The following MGAT4A variants were observed in gnomAD, a reference collection of about 807,000 sequenced individuals.
MGAT4A encodes N-acetylglucosaminyltransferase IVa.
A neutral mutation model predicts 74.1 loss-of-function variants in MGAT4A; 33 were observed. That is an observed-to-expected ratio of 0.45 (90% CI 0.34 to 0.60). The LOEUF is 0.60. Among genes scored for constraint, MGAT4A ranks in the 20% least tolerant of loss-of-function variants. The pLI is 0.02. For missense variants in MGAT4A, 479 were observed against 628.3 expected (o/e 0.76, Z 2.54); for synonymous variants, 198 against 210.4 (o/e 0.94, Z 0.51).
intron 2 of MGAT4A, among the ~76,000 whole-genome samples, chr2:98,706,936 CTGGGCACGG>C (rs1559173838): frequency 6.6e-6 from 1 of 150,738 alleles, no homozygotes; most frequent in African/African-American, 2.4e-5. Context: ...AAAATCTGGG[CTGGGCACGG>C]TGGCTTATGC....
In MGAT4A at chr2:98,622,179, C is replaced by G; in HGVS notation, c.*3387G>C. 2.0e-6 allele frequency: 2 copies of G among 985,436 alleles called. No individual in the cohort carries two copies. The highest frequency in any genetic ancestry group is 2.4e-6 in the Non-Finnish European group (2 of 829,956). 61.0% of individuals were successfully genotyped at this position (985,436 alleles called of 1,614,324 possible). A position where few individuals can be genotyped will look rare whatever the true frequency, so the allele number is the denominator to read the frequency against. ...CATCATTTGCATTATGTTCTATTCC[C>G]ATGTCTGCTTTTAACCTCATGAGAA... is the stretch of plus-strand genomic sequence containing the variant. On this transcript the variant is annotated 3_prime_UTR_variant, in exon 16 of 16. Transcript: ENST00000393487.
rs59955000 is a variant in MGAT4A, at chr2:98,671,943, C to CAAAA, written c.403+3088_403+3091dup. ...AGGCCACAAAGTAATGTGGAAAAGG[C>CAAAA]AAAAAAAAAAAAAAAAAAAAAAAAA... On this transcript the variant is annotated intron_variant, in intron 4 of 15. Coordinates refer to ENST00000393487, the MANE Select transcript of MGAT4A (RefSeq NM_012214.3). Among the ~76,000 whole-genome samples, 20 of 28,638 alleles carry CAAAA rather than the reference C, an allele frequency of 7.0e-4. 2 individuals carry two copies. Among genetic ancestry groups the CAAAA allele is most frequent in the Non-Finnish European group, 9.0e-4 (14 of 15,530 alleles). The allele number at this position is 28,638 out of a possible 152,430, so 18.8% of individuals were successfully genotyped here.
At chr2:98,682,602 C>T (rs986955631) in intron 2 of MGAT4A, among the ~76,000 whole-genome samples, 5 of 152,022 alleles carry the variant, frequency 3.3e-5, no homozygotes, top group South Asian at 2.1e-4. Flanking sequence ...AAGAGGGAAA[C>T]GATAAAACCT....
At position 98,639,823 on chromosome 2, in the gene MGAT4A, G is replaced by A; in HGVS notation, c.1307C>T (p.Pro436Leu). The A allele has an allele frequency of 6.2e-7, 1 of 1,611,368 alleles. No individual in the cohort carries two copies. The highest frequency in any genetic ancestry group is 8.5e-7 in the Non-Finnish European group (1 of 1,178,626). Reference protein sequence around the residue: ...GDYILFKFDKPVNVESYLFHS... With the variant: ...GDYILFKFDKLVNVESYLFHS... ...AATCACCAACCTTTCTACATTGACT[G>A]GTTTATCAAATTTAAACAAGATGTA... The change falls in exon 12 of 16, where the codon CCA (proline) becomes CTA (leucine). Residue 436 changes from proline to leucine, a missense_variant. Pro to Leu is a moderately conservative substitution (Grantham distance 98). This residue lies in a region of MGAT4A where 236 missense variants were observed against 308.2 expected (regional missense o/e 0.77). Transcript: ENST00000393487.
Position 98,621,802 on chromosome 2 carries a change from T to C in MGAT4A, c.*3764A>G. On this transcript the variant is annotated 3_prime_UTR_variant, in exon 16 of 16. Transcript: ENST00000393487. Reference sequence around the variant, plus strand: ...CCTCTTTTTCATTATTATGATAGATTTTTTAAAGGCCTTCATAATTTTGCT... The same window carrying C: ...CCTCTTTTTCATTATTATGATAGATCTTTTAAAGGCCTTCATAATTTTGCT... The C allele has an allele frequency of 9.2e-7, 1 of 1,081,132 alleles. No individual in the cohort carries two copies. The highest frequency in any genetic ancestry group is 4.2e-5 in the South Asian group (1 of 23,988). The allele number at this position is 1,081,132 out of a possible 1,614,324, so 67.0% of individuals were successfully genotyped here.
At chr2:98,626,000 T>TA (rs892001596) in intron 14 of MGAT4A, among the ~76,000 whole-genome samples, 165 bp from the exon 15 acceptor site, 3 of 152,200 alleles carry the variant, frequency 2.0e-5, no homozygotes, top group Admixed American at 6.5e-5. Context: ...ATTCAGCTTT[T>TA]ATATTTTTCA....
chr2:98,702,057 T>G (rs969377283), intron 2 of MGAT4A, among the ~76,000 whole-genome samples: 1 of 152,238 alleles, frequency 6.6e-6, no homozygotes. Context: ...AACAACCTAG[T>G]TGGTGCTCTG....
chr2:98,653,755 C>T (rs1701616600), intron 8 of MGAT4A, among the ~76,000 whole-genome samples: 1 of 152,130 alleles, frequency 6.6e-6, no homozygotes, highest in South Asian at 2.1e-4. Flanking sequence ...AAAGAATTAA[C>T]ATCAATCTTC....
intron 2 of MGAT4A, among the ~76,000 whole-genome samples, chr2:98,685,409 G>A (rs1702115630): frequency 6.6e-6 from 1 of 152,042 alleles, no homozygotes; most frequent in Non-Finnish European, 1.5e-5. Flanking sequence ...TTTGAAAAAT[G>A]TTTTATTTCA....
intron 2 of MGAT4A, among the ~76,000 whole-genome samples, chr2:98,685,016 T>G (rs1259755121): frequency 6.6e-6 from 1 of 152,152 alleles, no homozygotes; most frequent in Non-Finnish European, 1.5e-5. Context: ...GCAGGAGGAT[T>G]GCTTGAACCT....
chr2:98,642,223 C>T (rs528297543), intron 10 of MGAT4A, among the ~76,000 whole-genome samples: 2 of 152,068 alleles, frequency 1.3e-5, no homozygotes, highest in South Asian at 4.2e-4. Flanking sequence ...GACTGGGGAG[C>T]GCAAGGTTGA....
Position 98,678,249 on chromosome 2 carries a change from A to ATAT in MGAT4A, c.262+54_262+55insATA, listed in dbSNP as rs1553538280. ...TGTCTCAAAGAAAAAAAAAAAAAAA[A>ATAT]ATATATATATATATATATAAAATCT... On this transcript the variant is annotated intron_variant, in intron 3 of 15. Transcript: ENST00000393487. 915 of 263,654 alleles carry ATAT rather than the reference A, an allele frequency of 3.5e-3. 15 individuals carry two copies. The highest frequency in any genetic ancestry group is 0.025 in the African/African-American group (853 of 34,784). 16.3% of individuals were successfully genotyped at this position (263,654 alleles called of 1,614,324 possible).
At position 98,645,526 on chromosome 2, in the gene MGAT4A, A is replaced by G; in HGVS notation, c.791T>C (p.Ile264Thr). The G allele has an allele frequency of 6.4e-7, 1 of 1,574,334 alleles. No individual in the cohort carries two copies. Among genetic ancestry groups the G allele is most frequent in the South Asian group, 1.2e-5 (1 of 83,974 alleles). The change falls in exon 9 of 16, where the codon ATT becomes ACT. Residue 264 changes from isoleucine (I) to threonine (T), a missense_variant. Ile to Thr is a moderately conservative substitution (Grantham distance 89, BLOSUM62 -1). Coordinates refer to ENST00000393487, the MANE Select transcript of MGAT4A (RefSeq NM_012214.3). ...IYYIQLEDDI[I>T]VKQNYFNTIK... ...GGTATTAAAATAATTTTGTTTGACA[A>G]TAATATCATCTTCAAGCTAGAGAAA...
chr2:98,712,219 T>A (rs910150367), intron 2 of MGAT4A, among the ~76,000 whole-genome samples: 1 of 152,200 alleles, frequency 6.6e-6, no homozygotes. Context: ...CCCATTAAAT[T>A]CCTATCTTCT....
Position 98,678,417 on chromosome 2 carries a change from A to G in MGAT4A, c.149T>C (p.Ile50Thr). Residue 50 changes from isoleucine (I) to threonine (T), a missense_variant, in exon 3 of 16, where the codon ATA becomes ACA. Physicochemically the swap from Ile to Thr is moderately conservative, Grantham distance 89. Transcript: ENST00000393487. ...GCGCTGTGAGATTCTGTGTTCAGCT[A>G]TTCGAAGACGTTCTTTCAAAGCAAG... The part of the protein sequence containing the change: ...EFLALKERLR[I>T]AEHRISQRSS... The G allele has an allele frequency of 6.3e-7, 1 of 1,592,606 alleles. No individual in the cohort carries two copies. Among genetic ancestry groups the G allele is most frequent in the Non-Finnish European group, 8.6e-7 (1 of 1,165,674 alleles).
Position 98,621,980 on chromosome 2 carries a change from T to C in MGAT4A, c.*3586A>G. ...TACAGCCTATGTGCTAAATAATCCTTTGTGTTAACTTTTTCCAAAGCTTTT... is the reference window on the plus strand; with the variant it reads ...TACAGCCTATGTGCTAAATAATCCTCTGTGTTAACTTTTTCCAAAGCTTTT... On this transcript the variant is annotated 3_prime_UTR_variant, in exon 16 of 16. Coordinates refer to ENST00000393487, the MANE Select transcript of MGAT4A (RefSeq NM_012214.3). 1 of 987,822 alleles carries C rather than the reference T, an allele frequency of 1.0e-6. No individual in the cohort carries two copies. Among genetic ancestry groups the C allele is most frequent in the Non-Finnish European group, 1.2e-6 (1 of 831,620 alleles). 61.2% of individuals were successfully genotyped at this position (987,822 alleles called of 1,614,324 possible).
intron 2 of MGAT4A, among the ~76,000 whole-genome samples, chr2:98,696,489 A>T (rs1702277171): frequency 6.6e-6 from 1 of 152,212 alleles, no homozygotes; most frequent in Non-Finnish European, 1.5e-5. Context: ...CAGTTCTGGT[A>T]TTCACTTTAC....
At chr2:98,655,334 G>C in intron 8 of MGAT4A, 111 bp downstream of exon 8, 1 of 719,702 alleles carries the variant, frequency 1.4e-6, no homozygotes. Flanking sequence ...GTTATGATTT[G>C]TCAGATCTCA....
chr2:98,679,922 G>A (rs557106555), intron 2 of MGAT4A, among the ~76,000 whole-genome samples: 6 of 152,174 alleles, frequency 3.9e-5, no homozygotes, highest in African/African-American at 9.6e-5. Flanking sequence ...TGGAGGCTGC[G>A]GGAATGTTAT....
Sources: gnomAD v4.1 joint callset for allele counts (sites outside exome capture counted in the v4.1 genomes callset) on GRCh38, gnomAD v4.1.1 for gene constraint, gnomAD v4.1.1 regional missense constraint, MANE v1.5 for transcripts, NCBI Gene and HGNC (gene_info 2026-07-23, HGNC 2026-07-21) for gene names.